Variants in LMNTD1 observed in about 807,000 individuals in gnomAD.
LMNTD1 encodes the protein lamin tail domain containing 1.
In LMNTD1, 35 loss-of-function variants were observed where a neutral mutation model predicts 50.9. The ratio of observed to expected loss-of-function variants is 0.69; its 90% CI spans 0.53 to 0.91. The LOEUF is 0.91. Ranked by LOEUF, LMNTD1 falls within the 40% of genes least tolerant of loss-of-function variation. The pLI is 0.00. For synonymous variants in LMNTD1, 153 were observed against 161.9 expected, an observed-to-expected ratio of 0.94 and a Z score of 0.42; for missense variants, 470 against 475.5, an observed-to-expected ratio of 0.99 and a Z score of 0.11.
At chr12:25,482,319 A>T (rs1162605578) in intron 9 of LMNTD1, among the ~76,000 whole-genome samples, 1 of 151,946 alleles carries the variant, frequency 6.6e-6, no homozygotes, top group Non-Finnish European at 1.5e-5. Context: ...ATCAGCTTTA[A>T]TTTTACATCC....
intron 1 of LMNTD1, among the ~76,000 whole-genome samples, chr12:25,575,795 C>T (rs1213899858): frequency 1.3e-5 from 2 of 152,072 alleles, no homozygotes; most frequent in African/African-American, 4.8e-5. Flanking sequence ...CCCATTAACT[C>T]GTCACTTCCA....
chr12:25,636,538 T>C (rs1946838898), intron 1 of LMNTD1, among the ~76,000 whole-genome samples: 1 of 152,216 alleles, frequency 6.6e-6, no homozygotes, highest in Admixed American at 6.5e-5. Context: ...CTGATGGGAA[T>C]GTAAACTAGT....
At chr12:25,502,801 G>A (rs2135944422) in intron 9 of LMNTD1, 1 of 152,314 alleles carries the variant, frequency 6.6e-6, no homozygotes, top group Middle Eastern at 3.4e-3. Context: ...AAAAATAGAA[G>A]ATGACAATTA....
chr12:25,608,675 G>A (rs1946175514), intron 1 of LMNTD1, among the ~76,000 whole-genome samples: 2 of 152,218 alleles, frequency 1.3e-5, no homozygotes, highest in African/African-American at 2.4e-5. Flanking sequence ...CTCTCTTGTG[G>A]CTTGTAGGGG....
Position 25,610,254 on chromosome 12 carries a change from T to C in LMNTD1, c.58+38240A>G, listed in dbSNP as rs187132209. Among the ~76,000 whole-genome samples, 426 of 152,274 alleles carry C rather than the reference T, an allele frequency of 2.8e-3. 1 individual carries two copies. Among genetic ancestry groups the C allele is most frequent in the Non-Finnish European group, 4.9e-3 (333 of 68,020 alleles). ...CCAGTACAGTCTGTCATGGCTTCCC[T>C]TGGCTAGGAAAGGGAAATTTCCAGG... On this transcript the variant is annotated intron_variant, in intron 1 of 7. Coordinates refer to the LMNTD1 transcript ENST00000445693.
intron 1 of LMNTD1, among the ~76,000 whole-genome samples, chr12:25,579,288 A>G (rs1011978139): frequency 2.0e-5 from 3 of 152,198 alleles, no homozygotes; most frequent in African/African-American, 7.2e-5. Context: ...TCTTACTATT[A>G]TTACCTAAAA....
chr12:25,628,975 G>A (rs73080309), intron 1 of LMNTD1, among the ~76,000 whole-genome samples: 12,668 of 152,236 alleles, frequency 0.083, 562 homozygotes, highest in Middle Eastern at 0.18. Context: ...GGTGGTATGA[G>A]AAGCTCTGTG....
chr12:25,560,368 T>C (rs10842580), intron 1 of LMNTD1, among the ~76,000 whole-genome samples: 1 of 151,986 alleles, frequency 6.6e-6, no homozygotes, highest in African/African-American at 2.4e-5. Flanking sequence ...TGTGGCATTA[T>C]TTCTGAGAGC....
chr12:25,599,470 G>A (rs551013699), intron 1 of LMNTD1, among the ~76,000 whole-genome samples: 1 of 152,114 alleles, frequency 6.6e-6, no homozygotes, highest in East Asian at 1.9e-4. Flanking sequence ...ATAAGAGAAA[G>A]AAATGAAGGG....
At chr12:25,558,865 G>T (rs1477287237) in intron 1 of LMNTD1, among the ~76,000 whole-genome samples, 3 of 152,100 alleles carry the variant, frequency 2.0e-5, no homozygotes, top group Non-Finnish European at 4.4e-5. Context: ...TGACACGTGG[G>T]GGTTACTACA....
intron 1 of LMNTD1, among the ~76,000 whole-genome samples, chr12:25,574,204 T>C (rs997927231): frequency 3.3e-5 from 5 of 152,208 alleles, no homozygotes; most frequent in Non-Finnish European, 7.4e-5. Flanking sequence ...CACCTTATTT[T>C]ATTCCATCTC....
intron 9 of LMNTD1, among the ~76,000 whole-genome samples, chr12:25,492,573 T>A (rs1469395908): frequency 6.6e-6 from 1 of 152,236 alleles, no homozygotes; most frequent in African/African-American, 2.4e-5. Context: ...CAAAGCTAGA[T>A]GTCATCACTG....
intron 1 of LMNTD1, among the ~76,000 whole-genome samples, chr12:25,566,744 C>G (rs1305163544): frequency 6.6e-6 from 1 of 152,212 alleles, no homozygotes; most frequent in East Asian, 1.9e-4. Flanking sequence ...TAGGGTTGCT[C>G]ACTGTTGATG....
At chr12:25,550,130 G>A (rs2136244321) in intron 2 of LMNTD1, among the ~76,000 whole-genome samples, 1 of 152,154 alleles carries the variant, frequency 6.6e-6, no homozygotes, top group Admixed American at 6.6e-5. Context: ...GTATTGGAGG[G>A]AATGACAGAA....
At chr12:25,514,401 T>G (rs112209869) in intron 8 of LMNTD1, among the ~76,000 whole-genome samples, 3,929 of 152,172 alleles carry the variant, frequency 0.026, 179 homozygotes, top group African/African-American at 0.091. Flanking sequence ...AAAACTATCA[T>G]AAATAAATAT....
At chr12:25,590,833 A>T (rs1945675742) in intron 1 of LMNTD1, among the ~76,000 whole-genome samples, 1 of 152,144 alleles carries the variant, frequency 6.6e-6, no homozygotes, top group Non-Finnish European at 1.5e-5. Context: ...CGAGAAGGGA[A>T]TCTGCTGTAT....
At chr12:25,543,306 A>T (rs1943220509) in intron 4 of LMNTD1, among the ~76,000 whole-genome samples, 1 of 152,060 alleles carries the variant, frequency 6.6e-6, no homozygotes, top group Non-Finnish European at 1.5e-5. Context: ...ACAGACAAGG[A>T]CATTACAGGG....
intron 4 of LMNTD1, among the ~76,000 whole-genome samples, chr12:25,534,892 A>G (rs766928551): frequency 2.0e-5 from 3 of 152,202 alleles, no homozygotes; most frequent in Non-Finnish European, 4.4e-5. Flanking sequence ...ACTATTTCCA[A>G]GTAACTTAAG....
At chr12:25,518,363 A>T (rs1678549) in intron 8 of LMNTD1, among the ~76,000 whole-genome samples, 1 of 152,038 alleles carries the variant, frequency 6.6e-6, no homozygotes, top group African/African-American at 2.4e-5. Flanking sequence ...CTTTATTTAG[A>T]GGACTTAAGA....
Sources: gnomAD v4.1 joint callset for allele counts (sites outside exome capture counted in the v4.1 genomes callset) on GRCh38, gnomAD v4.1.1 for gene constraint, MANE v1.5 for transcripts, NCBI Gene and HGNC (gene_info 2026-07-23, HGNC 2026-07-21) for gene names.